Variants in BRD10 observed in about 807,000 individuals in gnomAD.
BRD10 encodes bromodomain containing 10, also known as uncharacterized bromodomain-containing protein 10.
the BRD10 span, among the ~76,000 whole-genome samples, chr9:5,941,709 T>C: frequency 3.0e-4 from 46 of 152,298 alleles, no homozygotes; most frequent in Middle Eastern, 3.4e-3. Context: ...AGTAGTTCAA[T>C]GACACAACCT....
At chr9:5,955,231 G>A in the BRD10 span, among the ~76,000 whole-genome samples, 36 of 151,086 alleles carry the variant, frequency 2.4e-4, no homozygotes, top group African/African-American at 7.1e-4. Flanking sequence ...TACAAGCTAC[G>A]GGGACAACAA....
At chr9:5,921,960 A>G in the BRD10 span, 3 of 1,613,974 alleles carry the variant, frequency 1.9e-6, no homozygotes, top group South Asian at 3.3e-5. Context: ...CTAAAAGGTG[A>G]AAGACTAGAT....
chr9:5,935,946 A>G, the BRD10 span, among the ~76,000 whole-genome samples: 1,081 of 152,338 alleles, frequency 7.1e-3, 13 homozygotes, highest in African/African-American at 0.025. Flanking sequence ...TTTTCTGACA[A>G]TATAATGAAT....
At chr9:5,919,773 T>C in the BRD10 span, 61 of 1,613,452 alleles carry the variant, frequency 3.8e-5, no homozygotes, top group Non-Finnish European at 5.2e-5. Context: ...GATACAACAA[T>C]CTGAGAGAGA....
the BRD10 span, among the ~76,000 whole-genome samples, chr9:5,931,929 T>TA: frequency 1.4e-4 from 22 of 152,158 alleles, no homozygotes; most frequent in Non-Finnish European, 2.8e-4. Flanking sequence ...TTTAATTACT[T>TA]AGAGTAAAAG....
chr9:5,954,046 G>A, the BRD10 span: 1 of 1,569,406 alleles, frequency 6.4e-7, no homozygotes, highest in East Asian at 2.3e-5. Context: ...GTGACTTTAT[G>A]ACAGTTTTCC....
the BRD10 span, chr9:5,897,554 C>A: frequency 6.2e-7 from 1 of 1,613,700 alleles, no homozygotes; most frequent in African/African-American, 1.3e-5. Context: ...TCTCTTGGGC[C>A]AGGGCCGCTG....
chr9:6,004,898 T>C, the BRD10 span, among the ~76,000 whole-genome samples: 4 of 152,306 alleles, frequency 2.6e-5, no homozygotes, highest in East Asian at 5.8e-4. Flanking sequence ...TATCCACAAG[T>C]GTGGTCTCGC....
the BRD10 span, among the ~76,000 whole-genome samples, chr9:5,889,796 A>G: frequency 6.6e-6 from 1 of 151,700 alleles, no homozygotes; most frequent in Admixed American, 6.6e-5. Flanking sequence ...GAAAAAAAAA[A>G]TGTGTTTGAG....
At chr9:6,004,282 T>C in the BRD10 span, among the ~76,000 whole-genome samples, 1 of 152,226 alleles carries the variant, frequency 6.6e-6, no homozygotes, top group Non-Finnish European at 1.5e-5. Context: ...AAGTAACTGT[T>C]TCCCTACTCA....
At chr9:5,993,621 T>C in the BRD10 span, among the ~76,000 whole-genome samples, 1 of 152,312 alleles carries the variant, frequency 6.6e-6, no homozygotes, top group Non-Finnish European at 1.5e-5. Flanking sequence ...GCGGTGACTG[T>C]AGGAGAAGGC....
At chr9:5,980,398 T>C in the BRD10 span, among the ~76,000 whole-genome samples, 1 of 152,186 alleles carries the variant, frequency 6.6e-6, no homozygotes, top group African/African-American at 2.4e-5. Context: ...TTTATACTGG[T>C]ATCCAAAGCT....
the BRD10 span, chr9:5,922,475 G>A: frequency 6.2e-7 from 1 of 1,614,014 alleles, no homozygotes; most frequent in Non-Finnish European, 8.5e-7. Flanking sequence ...TGATAAAGGT[G>A]TAATTGTTTT....
the BRD10 span, chr9:5,910,532 C>G: frequency 2.0e-5 from 3 of 152,188 alleles, no homozygotes; most frequent in South Asian, 6.2e-4. Flanking sequence ...ACCACGAGGT[C>G]TCTGCTGAAC....
the BRD10 span, chr9:5,920,996 A>C: frequency 6.2e-7 from 1 of 1,613,962 alleles, no homozygotes. Flanking sequence ...GGCTGAGGTC[A>C]CTGGAAAGGA....
the BRD10 span, among the ~76,000 whole-genome samples, chr9:5,943,707 C>G: frequency 6.6e-6 from 1 of 152,092 alleles, no homozygotes; most frequent in East Asian, 1.9e-4. Flanking sequence ...ATATAAGAAT[C>G]TAAACCATTT....
the BRD10 span, among the ~76,000 whole-genome samples, chr9:5,971,992 G>A: frequency 2.0e-5 from 3 of 152,252 alleles, no homozygotes; most frequent in South Asian, 6.2e-4. Context: ...CATTTCCTGA[G>A]TGCCCAGAAA....
At chr9:5,988,340 T>C in the BRD10 span, 1 of 1,606,306 alleles carries the variant, frequency 6.2e-7, no homozygotes, top group Non-Finnish European at 8.5e-7. Context: ...TTTCTTAACA[T>C]TTACCTTTTT....
At chr9:5,988,167 A>C in the BRD10 span, among the ~76,000 whole-genome samples, 1 of 152,188 alleles carries the variant, frequency 6.6e-6, no homozygotes, top group African/African-American at 2.4e-5. Flanking sequence ...TAGCTTCAAG[A>C]TAAGTGGTTT....
Sources: gnomAD v4.1 joint callset for allele counts (sites outside exome capture counted in the v4.1 genomes callset) on GRCh38, gnomAD v4.1.1 for gene constraint, MANE v1.5 for transcripts, NCBI Gene and HGNC (gene_info 2026-07-23, HGNC 2026-07-21) for gene names.